The following SP100 variants were observed in gnomAD, a reference collection of about 807,000 sequenced individuals.
SP100 encodes nuclear autoantigen Sp-100.
In SP100, 84 loss-of-function variants were observed where a neutral mutation model predicts 130.0. That is an observed-to-expected ratio of 0.65 (90% CI 0.54 to 0.77). The LOEUF is 0.77. Ranked by LOEUF, SP100 falls within the 30% of genes least tolerant of loss-of-function variation. The pLI is 0.00. For synonymous variants in SP100, 331 were observed against 351.7 expected, an observed-to-expected ratio of 0.94 and a Z score of 0.66; for missense variants, 978 against 1,052.2, an observed-to-expected ratio of 0.93 and a Z score of 0.97.
chr2:230,498,182 T>C (rs953623392), intron 18 of SP100, among the ~76,000 whole-genome samples: 1 of 152,200 alleles, frequency 6.6e-6, no homozygotes, highest in East Asian at 1.9e-4. Flanking sequence ...TCTTACAGTA[T>C]TCTTTGGGAT....
chr2:230,429,022 G>A (rs1251464272), intron 2 of SP100, among the ~76,000 whole-genome samples: 1 of 152,160 alleles, frequency 6.6e-6, no homozygotes, highest in African/African-American at 2.4e-5. Flanking sequence ...GACTTTGACT[G>A]TATATTTACC....
At chr2:230,493,863 G>C (rs1002794586) in intron 17 of SP100, 1 of 153,110 alleles carries the variant, frequency 6.5e-6, no homozygotes, top group Non-Finnish European at 1.5e-5. Context: ...TCTCCTTCCA[G>C]GTTCAAGCAA....
At chr2:230,466,782 A>G (rs1487410986) in intron 12 of SP100, among the ~76,000 whole-genome samples, 1 of 152,224 alleles carries the variant, frequency 6.6e-6, no homozygotes, top group Non-Finnish European at 1.5e-5. Context: ...ATACAAATCC[A>G]TATACAAAAA....
At chr2:230,510,468 A>T (rs1177742761) in intron 23 of SP100, 1 of 105,272 alleles carries the variant, frequency 9.5e-6, no homozygotes, top group Non-Finnish European at 1.8e-5. Flanking sequence ...ATGGAATGAC[A>T]CTTCCTTTTT....
chr2:230,525,258 C>A (rs1321899064), intron 24 of SP100, among the ~76,000 whole-genome samples: 3 of 151,912 alleles, frequency 2.0e-5, no homozygotes, highest in Non-Finnish European at 4.4e-5. Context: ...TCCCTGTTTC[C>A]CTGTGTGTCT....
chr2:230,532,549 G>C (rs79406983), intron 24 of SP100, among the ~76,000 whole-genome samples: 15 of 142,938 alleles, frequency 1.0e-4, no homozygotes, highest in African/African-American at 3.9e-4. Flanking sequence ...AAAAAAAAAA[G>C]ATGTGAGACT....
chr2:230,510,296 G>A (rs531275058), intron 23 of SP100: 1 of 152,634 alleles, frequency 6.6e-6, no homozygotes, highest in East Asian at 1.9e-4. Flanking sequence ...ACAGTACTGG[G>A]GATCTTGGAG....
At chr2:230,456,470 G>T (rs1439337033) in intron 8 of SP100, among the ~76,000 whole-genome samples, 1 of 152,104 alleles carries the variant, frequency 6.6e-6, no homozygotes, top group Non-Finnish European at 1.5e-5. Context: ...GATTGGCAAA[G>T]CTTTATACTA....
intron 2 of SP100, among the ~76,000 whole-genome samples, chr2:230,421,226 C>A (rs1363479657): frequency 6.6e-6 from 1 of 152,124 alleles, no homozygotes; most frequent in African/African-American, 2.4e-5. Flanking sequence ...AAGCACTCTG[C>A]AGAATTCTAA....
chr2:230,467,870 G>A (rs1216962004), intron 13 of SP100, among the ~76,000 whole-genome samples: 1 of 152,166 alleles, frequency 6.6e-6, no homozygotes, highest in East Asian at 1.9e-4. Context: ...AAGTACACTA[G>A]TCTGTTATTG....
intron 4 of SP100, among the ~76,000 whole-genome samples, chr2:230,444,987 A>G (rs938326380): frequency 6.6e-6 from 1 of 152,226 alleles, no homozygotes; most frequent in Non-Finnish European, 1.5e-5. Flanking sequence ...TTAGGTTTCC[A>G]GAATATGAGC....
intron 1 of SP100, chr2:230,416,624 T>G: frequency 1.7e-6 from 1 of 576,032 alleles, no homozygotes; most frequent in Non-Finnish European, 2.4e-6. Flanking sequence ...GTGGCTGGGA[T>G]TAACTATTTC....
chr2:230,446,696 T>A, intron 4 of SP100, 123 bp from the exon 5 acceptor site: 1 of 614,514 alleles, frequency 1.6e-6, no homozygotes, highest in Non-Finnish European at 2.9e-6. Flanking sequence ...GAACTTTAGG[T>A]CATGTGGAAC....
chr2:230,421,173 A>G (rs1206420337), intron 2 of SP100, among the ~76,000 whole-genome samples: 1 of 152,006 alleles, frequency 6.6e-6, no homozygotes, highest in Non-Finnish European at 1.5e-5. Context: ...GCCCTCTTAT[A>G]TATTTGCTTG....
At position 230,511,172 on chromosome 2, in the gene SP100, TATAA is replaced by T; in HGVS notation, c.2094+9_2094+12del. 1 of 1,604,730 alleles carries T rather than the reference TATAA, an allele frequency of 6.2e-7. No individual in the cohort carries two copies. Among genetic ancestry groups the T allele is most frequent in the Non-Finnish European group, 8.5e-7 (1 of 1,171,496 alleles). On this transcript the variant is annotated splice_region_variant and intron_variant, in intron 24 of 28. Transcript: ENST00000340126. ...ATACCTTAGTTGACCCTTGTGTAAG[TATAA>T]ATTTCCGACTATGACCCCAAAATAA...
At chr2:230,507,180 T>G (rs187066165) in intron 22 of SP100, 4 of 152,318 alleles carry the variant, frequency 2.6e-5, no homozygotes, top group Admixed American at 2.6e-4. Flanking sequence ...CCAGGGGTCC[T>G]GGGCTTAGTG....
chr2:230,462,356 T>C (rs1270968472), intron 9 of SP100, 79 bp from the exon 10 acceptor site: 2 of 1,100,330 alleles, frequency 1.8e-6, no homozygotes, highest in South Asian at 2.5e-5. Flanking sequence ...TTCCTAGTGC[T>C]CTCATTGTGG....
At chr2:230,442,659 A>G (rs1310613276) in intron 2 of SP100, among the ~76,000 whole-genome samples, 1 of 152,194 alleles carries the variant, frequency 6.6e-6, no homozygotes, top group Admixed American at 6.5e-5. Context: ...ATTTCAAAAA[A>G]TATTCCATAT....
At chr2:230,432,322 T>G (rs1298046498) in intron 2 of SP100, among the ~76,000 whole-genome samples, 3 of 152,218 alleles carry the variant, frequency 2.0e-5, no homozygotes, top group Non-Finnish European at 4.4e-5. Context: ...ATTTTTTGAC[T>G]ATTATGAATA....
Sources: allele counts gnomAD v4.1 joint callset (sites outside exome capture counted in the v4.1 genomes callset), GRCh38; gene constraint gnomAD v4.1.1; transcripts MANE v1.5; gene names NCBI Gene and HGNC (gene_info 2026-07-23, HGNC 2026-07-21).